FAM178B: variants seen among roughly 807,000 people sequenced by gnomAD.
FAM178B encodes the protein family with sequence similarity 178 member B.
In FAM178B, 82 loss-of-function variants were observed where a neutral mutation model predicts 91.7. That is an observed-to-expected ratio of 0.89 (90% CI 0.75 to 1.07). The LOEUF (loss-of-function observed/expected upper bound fraction) is 1.07. Ranked by LOEUF, FAM178B falls within the 50% of genes least tolerant of loss-of-function variation. The pLI, the probability that FAM178B is intolerant of heterozygous loss-of-function variation, is 0.00. For synonymous variants in FAM178B, 368 were observed against 359.4 expected, an observed-to-expected ratio of 1.02 and a Z score of -0.27; for missense variants, 769 against 846.7, an observed-to-expected ratio of 0.91 and a Z score of 1.14.
chr2:96,899,114 T>C (rs533221508), intron 13 of FAM178B, among the ~76,000 whole-genome samples: 1 of 152,300 alleles, frequency 6.6e-6, no homozygotes, highest in African/African-American at 2.4e-5. Context: ...GGGCTTGCAG[T>C]GGAGATGGGG....
rs571172097 is a variant in FAM178B, at chr2:96,964,729, C to T, written c.734+2791G>A. Among the ~76,000 whole-genome samples, 23 of 152,328 alleles carry T rather than the reference C, an allele frequency of 1.5e-4. No homozygotes were observed. In the East Asian group the frequency reaches 1.5e-3, roughly 10 times the overall value. Reference sequence around the variant, plus strand: ...TCAGCTACTGCCCATTCTTCTCCTTCGTCCCTTCTTGTTCTTCCAGGAGCC... The same window carrying T: ...TCAGCTACTGCCCATTCTTCTCCTTTGTCCCTTCTTGTTCTTCCAGGAGCC... On this transcript the variant is annotated intron_variant, in intron 5 of 16. Coordinates refer to ENST00000490605, the MANE Select transcript of FAM178B (RefSeq NM_001122646.3).
At chr2:96,922,963 T>C (rs2081368549) in intron 10 of FAM178B, among the ~76,000 whole-genome samples, 1 of 147,102 alleles carries the variant, frequency 6.8e-6, no homozygotes, top group African/African-American at 2.5e-5. Flanking sequence ...CATGAGCCAC[T>C]GCATCCAGCC....
intron 15 of FAM178B, 57 bp downstream of exon 15, chr2:96,878,359 G>C (rs78553609): frequency 6.5e-7 from 1 of 1,532,162 alleles, no homozygotes; most frequent in Non-Finnish European, 9.0e-7. Flanking sequence ...CCCGCCGCTT[G>C]GGGGAGAAGA....
chr2:96,966,111 G>C (rs947406707), intron 5 of FAM178B, among the ~76,000 whole-genome samples: 38 of 151,994 alleles, frequency 2.5e-4, no homozygotes, highest in Non-Finnish European at 8.8e-5. Context: ...CCAAGAGCCA[G>C]TGCCTGCCCC....
chr2:96,978,383 C>A (rs2153376283), intron 1 of FAM178B, among the ~76,000 whole-genome samples: 1 of 152,164 alleles, frequency 6.6e-6, no homozygotes, highest in African/African-American at 2.4e-5. Flanking sequence ...TTTTAGTGTG[C>A]CCATCACCTG....
intron 1 of FAM178B, among the ~76,000 whole-genome samples, chr2:96,974,623 T>G (rs1046004099): frequency 6.6e-6 from 1 of 152,134 alleles, no homozygotes; most frequent in African/African-American, 2.4e-5. Context: ...CATTATGATA[T>G]GTGGAAGACA....
intron 8 of FAM178B, among the ~76,000 whole-genome samples, chr2:96,946,840 T>C (rs987511862): frequency 6.6e-6 from 1 of 152,170 alleles, no homozygotes; most frequent in African/African-American, 2.4e-5. Context: ...CTGAGACTGG[T>C]GCTACTCAGA....
intron 12 of FAM178B, among the ~76,000 whole-genome samples, chr2:96,913,903 G>A (rs1377814747): frequency 1.3e-5 from 2 of 152,220 alleles, no homozygotes; most frequent in African/African-American, 4.8e-5. Flanking sequence ...CTGACTCCCG[G>A]CTTCTGTGCA....
At chr2:96,923,911 C>T (rs1574255468) in intron 9 of FAM178B, among the ~76,000 whole-genome samples, 1 of 152,254 alleles carries the variant, frequency 6.6e-6, no homozygotes, top group Non-Finnish European at 1.5e-5. Flanking sequence ...CACAGAGTTT[C>T]TCCACATGGC....
At chr2:96,984,117 G>A (rs75508501) in intron 1 of FAM178B, among the ~76,000 whole-genome samples, 3,843 of 151,968 alleles carry the variant, frequency 0.025, 148 homozygotes, top group African/African-American at 0.087. Flanking sequence ...TTACAGGTAG[G>A]TGCCACCACA....
At chr2:96,908,490 A>G (rs1039078424) in intron 12 of FAM178B, among the ~76,000 whole-genome samples, 3 of 152,126 alleles carry the variant, frequency 2.0e-5, no homozygotes, top group African/African-American at 7.2e-5. Flanking sequence ...ATTTGAGGTC[A>G]GGAGTTCGAG....
chr2:96,884,328 G>T (rs887995139), intron 14 of FAM178B, among the ~76,000 whole-genome samples: 1 of 152,188 alleles, frequency 6.6e-6, no homozygotes, highest in African/African-American at 2.4e-5. Flanking sequence ...ATGGTGGTGG[G>T]GTCTCTAAAG....
chr2:96,895,212 G>A, intron 13 of FAM178B: 1 of 821,156 alleles, frequency 1.2e-6, no homozygotes, highest in Non-Finnish European at 1.7e-6. Context: ...GAAAAGATAA[G>A]GATTTCCCCC....
intron 1 of FAM178B, chr2:96,977,950 C>CGGGGGAGGGG: frequency 8.7e-6 from 2 of 229,316 alleles, no homozygotes; most frequent in Non-Finnish European, 1.8e-5. Flanking sequence ...GTGGGGCGGG[C>CGGGGGAGGGG]GGGGGAGGGG....
At chr2:96,954,199 C>T (rs2081967520) in intron 6 of FAM178B, among the ~76,000 whole-genome samples, 1 of 152,208 alleles carries the variant, frequency 6.6e-6, no homozygotes, top group Non-Finnish European at 1.5e-5. Flanking sequence ...GAGTGGGAAG[C>T]CCCCAGCTGT....
intron 9 of FAM178B, among the ~76,000 whole-genome samples, chr2:96,925,394 A>G (rs72942938): frequency 0.024 from 3,659 of 152,210 alleles, 140 homozygotes; most frequent in African/African-American, 0.076. Context: ...GAACTTTGTG[A>G]GCCCATGGAC....
At chr2:96,979,393 G>A (rs968918383) in intron 1 of FAM178B, among the ~76,000 whole-genome samples, 4 of 151,486 alleles carry the variant, frequency 2.6e-5, no homozygotes, top group African/African-American at 9.7e-5. Context: ...GTAGAGACGG[G>A]GTTTCATCAT....
intron 13 of FAM178B, among the ~76,000 whole-genome samples, chr2:96,895,909 C>T (rs909242267): frequency 5.9e-5 from 9 of 152,206 alleles, no homozygotes; most frequent in African/African-American, 1.9e-4. Flanking sequence ...GGAGTCAGGC[C>T]CAGGGCCTCA....
chr2:96,986,577 G>C lies in FAM178B; in HGVS notation c.-264C>G. ...GCCAGCTGGGGAGCTCGCCGGCCAAGTGCGCACCCTCTTCCTGTTAGCCCT... is the reference window on the plus strand; with the variant it reads ...GCCAGCTGGGGAGCTCGCCGGCCAACTGCGCACCCTCTTCCTGTTAGCCCT... On this transcript the variant is annotated 5_prime_UTR_variant, in exon 1 of 17. Coordinates refer to ENST00000490605, the MANE Select transcript of FAM178B (RefSeq NM_001122646.3). 2.1e-6 allele frequency: 1 copy of C among 481,680 alleles called. No homozygotes were observed. The highest frequency in any genetic ancestry group is 3.6e-5 in the Admixed American group (1 of 27,852). 29.8% of individuals were successfully genotyped at this position (481,680 alleles called of 1,614,324 possible).
Sources: gnomAD v4.1 joint callset for allele counts (sites outside exome capture counted in the v4.1 genomes callset) on GRCh38, gnomAD v4.1.1 for gene constraint, MANE v1.5 for transcripts, NCBI Gene and HGNC (gene_info 2026-07-23, HGNC 2026-07-21) for gene names.